The following FMNL2 variants were observed in gnomAD, a reference collection of about 807,000 sequenced individuals.
FMNL2 encodes the protein formin like 2.
In FMNL2, 51 loss-of-function variants were observed where a neutral mutation model predicts 130.2. The observed-to-expected ratio is 0.39, with a 90% confidence interval of 0.31 to 0.49. FMNL2 has a LOEUF of 0.49. FMNL2 is among the 20% of genes least tolerant of loss of function. The pLI, the probability that FMNL2 is intolerant of heterozygous loss-of-function variation, is 0.85. For missense variants in FMNL2, 977 were observed against 1,316.2 expected (o/e 0.74, Z 3.99); for synonymous variants, 465 against 467.1 (o/e 1.00, Z 0.06).
intron 2 of FMNL2, among the ~76,000 whole-genome samples, chr2:152,532,601 T>A (rs959588856): frequency 3.6e-5 from 2 of 54,828 alleles, no homozygotes; most frequent in East Asian, 1.0e-3. Flanking sequence ...CTATTTTAAT[T>A]TTTTTTCTTA....
intron 1 of FMNL2, among the ~76,000 whole-genome samples, chr2:152,339,813 A>G (rs1433317474): frequency 4.6e-5 from 7 of 152,106 alleles, no homozygotes; most frequent in Admixed American, 4.6e-4. Context: ...ATCTACTATG[A>G]GTAGGCCTTT....
At chr2:152,391,234 C>A (rs1415283573) in intron 1 of FMNL2, among the ~76,000 whole-genome samples, 1 of 152,188 alleles carries the variant, frequency 6.6e-6, no homozygotes, top group Non-Finnish European at 1.5e-5. Context: ...TGGGTGACTT[C>A]ACTTTGAATC....
chr2:152,583,409 G>A (rs1580012553), intron 9 of FMNL2, among the ~76,000 whole-genome samples: 1 of 152,216 alleles, frequency 6.6e-6, no homozygotes, highest in East Asian at 1.9e-4. Flanking sequence ...TAGTGAAAGT[G>A]TGGAGATTTA....
chr2:152,547,409 G>T (rs1255803928), intron 3 of FMNL2, among the ~76,000 whole-genome samples: 2 of 152,162 alleles, frequency 1.3e-5, no homozygotes, highest in Admixed American at 6.5e-5. Context: ...TCACATTGGG[G>T]ACATTTTTAT....
At chr2:152,487,773 A>G (rs1469083305) in intron 1 of FMNL2, among the ~76,000 whole-genome samples, 2 of 151,868 alleles carry the variant, frequency 1.3e-5, no homozygotes, top group African/African-American at 4.8e-5. Context: ...ACACTTTTAG[A>G]TGAATTCTTT....
chr2:152,602,489 G>C (rs1159676726), intron 9 of FMNL2, among the ~76,000 whole-genome samples: 1 of 152,096 alleles, frequency 6.6e-6, no homozygotes, highest in East Asian at 1.9e-4. Flanking sequence ...GCTCTGCTCG[G>C]CTCAGTTTTT....
chr2:152,466,424 A>G (rs1236963045), intron 1 of FMNL2, among the ~76,000 whole-genome samples: 1 of 152,210 alleles, frequency 6.6e-6, no homozygotes, highest in Non-Finnish European at 1.5e-5. Context: ...GCTAACTTCA[A>G]AGAAGTATCT....
chr2:152,505,871 C>T (rs529980216), intron 1 of FMNL2, among the ~76,000 whole-genome samples: 2 of 152,280 alleles, frequency 1.3e-5, no homozygotes, highest in Admixed American at 1.3e-4. Flanking sequence ...TCAGGGCGGC[C>T]ATATAATTGA....
In FMNL2 at chr2:152,456,658, T is replaced by C. The variant is rs188182091; in HGVS notation, c.118-65285T>C. On this transcript the variant is annotated intron_variant, in intron 1 of 25. Transcript: ENST00000288670. ...GAGAAGTGGTGTATTTTGAAAACAT[T>C]TGGGGCCGGGCGCGGTAGCTCACGC... Among the ~76,000 whole-genome samples the C allele has an allele frequency of 1.3e-4, 20 of 152,148 alleles. No individual in the cohort carries two copies. The East Asian group carries it at 1.7e-3, about 13-fold the overall frequency.
At chr2:152,465,427 G>C (rs1317686282) in intron 1 of FMNL2, among the ~76,000 whole-genome samples, 1 of 152,212 alleles carries the variant, frequency 6.6e-6, no homozygotes, top group Non-Finnish European at 1.5e-5. Flanking sequence ...GGCTATTTGG[G>C]CAAAGTGGTT....
chr2:152,430,598 C>T (rs904654628), intron 1 of FMNL2, among the ~76,000 whole-genome samples: 2 of 152,202 alleles, frequency 1.3e-5, no homozygotes, highest in Admixed American at 1.3e-4. Flanking sequence ...TCAGGCCATG[C>T]ACGGTGGCTC....
chr2:152,629,492 A>AGACAATTAAATTTGTTATACTT (rs1238965890), intron 18 of FMNL2, among the ~76,000 whole-genome samples, 164 bp from the exon 19 acceptor site: 10 of 152,206 alleles, frequency 6.6e-5, no homozygotes, highest in African/African-American at 2.4e-4. Flanking sequence ...AGACCTAGCA[A>AGACAATTAAATTTGTTATACTT]GACAATTAAA....
intron 1 of FMNL2, among the ~76,000 whole-genome samples, chr2:152,492,691 G>A (rs1169425228): frequency 6.6e-6 from 1 of 152,108 alleles, no homozygotes; most frequent in Non-Finnish European, 1.5e-5. Flanking sequence ...AAAAGATCTG[G>A]TGTTTCAGTA....
Position 152,581,165 on chromosome 2 carries a change from T to A in FMNL2, c.876+116T>A, listed in dbSNP as rs1296525569. On this transcript the variant is annotated intron_variant, in intron 9 of 25. Coordinates refer to ENST00000288670, the MANE Select transcript of FMNL2 (RefSeq NM_052905.4). Reference sequence around the variant, plus strand: ...GGGCCTAAGGAATATAATAGTTAATTTCTAAGATCTCACTGAGAGGAATGT... The same window carrying A: ...GGGCCTAAGGAATATAATAGTTAATATCTAAGATCTCACTGAGAGGAATGT... The A allele has an allele frequency of 5.0e-6, 4 of 807,136 alleles. No homozygotes were observed. In the African/African-American group the frequency reaches 5.3e-5, roughly 11 times the overall value. 50.0% of individuals were successfully genotyped at this position (807,136 alleles called of 1,614,324 possible). A position where few individuals can be genotyped will look rare whatever the true frequency, so the allele number is the denominator to read the frequency against.
At chr2:152,601,671 C>CTTTTTTTTTTTTTTT (rs34914295) in intron 9 of FMNL2, among the ~76,000 whole-genome samples, 1 of 103,470 alleles carries the variant, frequency 9.7e-6, no homozygotes, top group East Asian at 2.8e-4. Flanking sequence ...TCTTTTCTTT[C>CTTTTTTTTTTTTTTT]TTTTTTTTTT....
intron 1 of FMNL2, among the ~76,000 whole-genome samples, chr2:152,482,885 A>G (rs1416632976): frequency 2.0e-5 from 3 of 152,200 alleles, no homozygotes; most frequent in Non-Finnish European, 4.4e-5. Flanking sequence ...TGGTGAATTA[A>G]GAAAAAGGAT....
chr2:152,628,076 C>T (rs1410842344), intron 17 of FMNL2, among the ~76,000 whole-genome samples: 1 of 152,166 alleles, frequency 6.6e-6, no homozygotes, highest in Non-Finnish European at 1.5e-5. Flanking sequence ...ACAAGGTCCA[C>T]GTTTTCAGGA....
chr2:152,411,382 G>A (rs941149655), intron 1 of FMNL2, among the ~76,000 whole-genome samples: 1 of 152,152 alleles, frequency 6.6e-6, no homozygotes, highest in African/African-American at 2.4e-5. Context: ...AGAAGTAGGT[G>A]CTTGCTCAAG....
intron 3 of FMNL2, among the ~76,000 whole-genome samples, chr2:152,547,720 G>C (rs1418960242): frequency 1.3e-5 from 2 of 152,178 alleles, no homozygotes; most frequent in Non-Finnish European, 1.5e-5. Flanking sequence ...CTTGTCCTTG[G>C]AGCTGAAGGA....
Sources: gnomAD v4.1 joint callset for allele counts (sites outside exome capture counted in the v4.1 genomes callset) on GRCh38, gnomAD v4.1.1 for gene constraint, MANE v1.5 for transcripts, NCBI Gene and HGNC (gene_info 2026-07-23, HGNC 2026-07-21) for gene names.